THSD4: variants seen among roughly 807,000 people sequenced by gnomAD.
The protein encoded by THSD4 is thrombospondin type-1 domain-containing protein 4.
In THSD4, 69 loss-of-function variants were observed where a neutral mutation model predicts 119.0. The observed-to-expected ratio is 0.58, with a 90% CI of 0.48 to 0.71. THSD4 has a LOEUF of 0.71. Ranked by LOEUF, THSD4 falls within the 30% of genes least tolerant of loss-of-function variation. The pLI is 0.00. For synonymous variants in THSD4, 524 were observed against 540.4 expected (o/e 0.97, Z 0.42); for missense variants, 1,393 against 1,391.1 (o/e 1.00, Z -0.02).
chr15:71,306,229 G>T (rs546114197), intron 6 of THSD4, among the ~76,000 whole-genome samples: 1 of 138,174 alleles, frequency 7.2e-6, no homozygotes, highest in East Asian at 2.4e-4. Context: ...TCACTTGAAC[G>T]TGGGAGGCAG....
intron 7 of THSD4, among the ~76,000 whole-genome samples, chr15:71,599,549 A>G (rs77826491): frequency 0.019 from 2,857 of 152,322 alleles, 81 homozygotes; most frequent in African/African-American, 0.064. Context: ...GCTATGGAGT[A>G]TCTCAAGGGT....
intron 7 of THSD4, chr15:71,549,608 C>T (rs1398572074): frequency 1.3e-5 from 2 of 152,196 alleles, no homozygotes; most frequent in Non-Finnish European, 2.9e-5. Flanking sequence ...TACCCATAAA[C>T]ATGTGGCGTC....
intron 7 of THSD4, among the ~76,000 whole-genome samples, chr15:71,603,292 A>C (rs921180071): frequency 6.6e-6 from 1 of 152,188 alleles, no homozygotes; most frequent in African/African-American, 2.4e-5. Flanking sequence ...GCAAAGCAAG[A>C]GGGGATCCTG....
chr15:71,187,822 A>G (rs1251203539), intron 3 of THSD4, among the ~76,000 whole-genome samples: 1 of 152,220 alleles, frequency 6.6e-6, no homozygotes, highest in Non-Finnish European at 1.5e-5. Flanking sequence ...GCACTGCCAG[A>G]TTAATCTTCC....
At chr15:71,204,563 A>G (rs985512185) in intron 3 of THSD4, among the ~76,000 whole-genome samples, 1 of 152,028 alleles carries the variant, frequency 6.6e-6, no homozygotes, top group Admixed American at 6.6e-5. Flanking sequence ...ATTAAGTCCA[A>G]CCAGCTCAGT....
chr15:71,392,743 G>A (rs1204126171), intron 6 of THSD4, among the ~76,000 whole-genome samples: 2 of 152,162 alleles, frequency 1.3e-5, no homozygotes, highest in African/African-American at 2.4e-5. Flanking sequence ...TAACTCAATG[G>A]CCACCATCCA....
intron 6 of THSD4, among the ~76,000 whole-genome samples, chr15:71,289,873 G>C (rs1327793992): frequency 6.6e-6 from 1 of 151,952 alleles, no homozygotes; most frequent in African/African-American, 2.4e-5. Context: ...CTTGCTGCTA[G>C]CTTCCTTCTG....
At chr15:71,474,820 C>G (rs2047634217) in intron 7 of THSD4, among the ~76,000 whole-genome samples, 1 of 152,194 alleles carries the variant, frequency 6.6e-6, no homozygotes, top group Admixed American at 6.5e-5. Flanking sequence ...ACTTGACCAT[C>G]TCCTTCTGGA....
At chr15:71,584,848 G>T (rs141825415) in intron 7 of THSD4, among the ~76,000 whole-genome samples, 2 of 151,374 alleles carry the variant, frequency 1.3e-5, no homozygotes, top group Non-Finnish European at 2.9e-5. Flanking sequence ...CTTTCTCTTC[G>T]TACTTTGTGT....
At chr15:71,242,056 C>T (rs946074590) in intron 4 of THSD4, among the ~76,000 whole-genome samples, 4 of 152,174 alleles carry the variant, frequency 2.6e-5, no homozygotes, top group East Asian at 1.9e-4. Flanking sequence ...AAGTATTTAA[C>T]GCCCTTGAAT....
chr15:71,592,627 C>G (rs531280645), intron 7 of THSD4, among the ~76,000 whole-genome samples: 1 of 151,870 alleles, frequency 6.6e-6, no homozygotes, highest in African/African-American at 2.4e-5. Context: ...GCTGGATTCA[C>G]TTTTATAGAT....
chr15:71,426,221 G>A (rs1039104592), intron 7 of THSD4, among the ~76,000 whole-genome samples: 2 of 152,094 alleles, frequency 1.3e-5, no homozygotes, highest in African/African-American at 4.8e-5. Flanking sequence ...GCTTCCATCG[G>A]GACACATTGG....
intron 7 of THSD4, among the ~76,000 whole-genome samples, chr15:71,433,676 G>T (rs62017913): frequency 0.081 from 12,280 of 152,092 alleles, 623 homozygotes; most frequent in Admixed American, 0.18. Context: ...TAGGTACAGA[G>T]CCCAGGACAA....
At position 71,777,795 on chromosome 15, in the gene THSD4, C is replaced by G. The variant is rs1287838572; in HGVS notation, c.*421C>G. 5.2e-6 allele frequency: 1 copy of G among 193,344 alleles called. No homozygotes were observed. The highest frequency in any genetic ancestry group is 1.1e-5 in the Non-Finnish European group (1 of 91,196). The allele number at this position is 193,344 out of a possible 1,614,324, so 12.0% of individuals were successfully genotyped here. ...CCCTGGAGAGTCCAAGGAGGCAGCG[C>G]CCCCAACCCAGCGCCCCACTAAGCC... On this transcript the variant is annotated 3_prime_UTR_variant, in exon 18 of 18. Transcript: ENST00000261862.
In THSD4 at chr15:71,298,782, T is replaced by G. The variant is rs550404624; in HGVS notation, c.1015+42067T>G. 1.3e-3 allele frequency among the ~76,000 whole-genome samples: 196 copies of G among 152,246 alleles called. 2 individuals are homozygous for G. Among genetic ancestry groups the G allele is most frequent in the Admixed American group, 5.9e-3 (90 of 15,292 alleles). Reference sequence around the variant, plus strand: ...CACACGCCGCCACACCCGGCTAATTTTTTGTATTTTAGTAGAGACGGGGTT... The same window carrying G: ...CACACGCCGCCACACCCGGCTAATTGTTTGTATTTTAGTAGAGACGGGGTT... On this transcript the variant is annotated intron_variant, in intron 6 of 17. Coordinates refer to ENST00000261862, the MANE Select transcript of THSD4 (RefSeq NM_024817.3).
chr15:71,343,195 A>G (rs1054729216), intron 6 of THSD4, among the ~76,000 whole-genome samples: 1 of 152,202 alleles, frequency 6.6e-6, no homozygotes, highest in East Asian at 1.9e-4. Context: ...ACCAGCCTGC[A>G]TAATATAGCG....
intron 7 of THSD4, among the ~76,000 whole-genome samples, chr15:71,545,478 C>A (rs7171113): frequency 1 from 152,219 of 152,352 alleles, 76,044 homozygotes; most frequent in Non-Finnish European, 1. Flanking sequence ...ATAATGGCGG[C>A]GTTGAGTAGT....
intron 1 of THSD4, among the ~76,000 whole-genome samples, chr15:71,116,411 C>T (rs2040363060): frequency 6.6e-6 from 1 of 152,198 alleles, no homozygotes; most frequent in Non-Finnish European, 1.5e-5. Flanking sequence ...TAACATCAGC[C>T]CTCACTTGGG....
At chr15:71,277,020 A>G (rs1303686939) in intron 6 of THSD4, among the ~76,000 whole-genome samples, 2 of 151,944 alleles carry the variant, frequency 1.3e-5, no homozygotes, top group African/African-American at 2.4e-5. Context: ...TGTATTAAAT[A>G]GGTTTAATTC....
Sources: allele counts gnomAD v4.1 joint callset (sites outside exome capture counted in the v4.1 genomes callset), GRCh38; gene constraint gnomAD v4.1.1; transcripts MANE v1.5; gene names NCBI Gene and HGNC (gene_info 2026-07-23, HGNC 2026-07-21).